PGM5: variants seen among roughly 807,000 people sequenced by gnomAD.
The protein encoded by PGM5 is phosphoglucomutase-like protein 5.
Under a neutral mutation model 59.2 loss-of-function variants are expected in PGM5, and 23 were observed. That is an observed-to-expected ratio of 0.39 (90% CI 0.28 to 0.55). The LOEUF is 0.55. Ranked by LOEUF, PGM5 falls within the 20% of genes least tolerant of loss-of-function variation. The probability of loss-of-function intolerance (pLI) is 0.66; values close to 1 mark genes in which losing one functional copy is unlikely to be tolerated. For missense variants in PGM5, 574 were observed against 748.3 expected (o/e 0.77, Z 2.72); for synonymous variants, 214 against 286.0 (o/e 0.75, Z 2.54).
intron 6 of PGM5, among the ~76,000 whole-genome samples, chr9:68,461,814 AT>A (rs1351080793): frequency 3.9e-5 from 6 of 152,072 alleles, no homozygotes; most frequent in Middle Eastern, 3.4e-3. Flanking sequence ...AACAGGCTTT[AT>A]GCTGGAAAAG....
chr9:68,460,662 A>G (rs146408148), intron 6 of PGM5, among the ~76,000 whole-genome samples: 263 of 152,356 alleles, frequency 1.7e-3, no homozygotes, highest in Admixed American at 2.8e-3. Flanking sequence ...GTCAAAGACC[A>G]TAAAATAGAT....
chr9:68,365,690 T>A (rs1388296590), intron 1 of PGM5, among the ~76,000 whole-genome samples: 1 of 152,204 alleles, frequency 6.6e-6, no homozygotes, highest in Non-Finnish European at 1.5e-5. Flanking sequence ...GTATTTTGTA[T>A]AAATATAATA....
intron 7 of PGM5, among the ~76,000 whole-genome samples, chr9:68,465,624 A>G (rs1375451642): frequency 9.2e-5 from 14 of 152,184 alleles, no homozygotes; most frequent in African/African-American, 3.4e-4. Context: ...GCATTTCAAG[A>G]TGAATCTTTA....
intron 6 of PGM5, among the ~76,000 whole-genome samples, chr9:68,412,183 A>G (rs1451323872): frequency 6.6e-6 from 1 of 151,762 alleles, no homozygotes; most frequent in Non-Finnish European, 1.5e-5. Flanking sequence ...ATAAATGTAA[A>G]GTAATTAGCA....
At chr9:68,525,096 G>T (rs571112927) in intron 10 of PGM5, among the ~76,000 whole-genome samples, 1 of 152,006 alleles carries the variant, frequency 6.6e-6, no homozygotes, top group African/African-American at 2.4e-5. Flanking sequence ...CCCACCATGA[G>T]GCATGGTCGA....
intron 9 of PGM5, among the ~76,000 whole-genome samples, chr9:68,486,409 G>C (rs559471723): frequency 4.2e-4 from 64 of 152,250 alleles, no homozygotes; most frequent in African/African-American, 1.3e-3. Context: ...AAGAAATGTT[G>C]TGCTCTTTAG....
At chr9:68,436,265 C>T (rs959614161) in intron 6 of PGM5, among the ~76,000 whole-genome samples, 1 of 152,122 alleles carries the variant, frequency 6.6e-6, no homozygotes, top group Non-Finnish European at 1.5e-5. Flanking sequence ...CAGGGAATTA[C>T]CAAGCCTATC....
chr9:68,390,644 G>A (rs1178563706), intron 4 of PGM5, among the ~76,000 whole-genome samples: 164 of 152,200 alleles, frequency 1.1e-3, no homozygotes, highest in African/African-American at 3.8e-3. Context: ...TCAGCTAGGA[G>A]GATTACATGC....
At chr9:68,386,485 C>A (rs2132003994) in intron 3 of PGM5, among the ~76,000 whole-genome samples, 1 of 152,294 alleles carries the variant, frequency 6.6e-6, no homozygotes, top group South Asian at 2.1e-4. Flanking sequence ...TATTATATGG[C>A]ATATTAAGAT....
Position 68,435,493 on chromosome 9 carries a change from C to A in PGM5, c.1044-29600C>A, listed in dbSNP as rs369213941. 3.4e-4 allele frequency among the ~76,000 whole-genome samples: 52 copies of A among 152,262 alleles called. 2 individuals carry two copies. In the South Asian group the frequency reaches 9.3e-3, roughly 27 times the overall value. ...TCTCTGTAGATTTCCCTTTTCCAGA[C>A]TTTCATATGAATAAAATCATATACT... On this transcript the variant is annotated intron_variant, in intron 6 of 10. Transcript: ENST00000396396.
At chr9:68,487,253 G>A (rs1479067828) in intron 9 of PGM5, among the ~76,000 whole-genome samples, 1 of 152,102 alleles carries the variant, frequency 6.6e-6, no homozygotes, top group Non-Finnish European at 1.5e-5. Context: ...ATCTTGAGGG[G>A]AGGAGCTAGT....
intron 6 of PGM5, among the ~76,000 whole-genome samples, chr9:68,455,653 C>T (rs1223449742): frequency 2.0e-5 from 3 of 152,164 alleles, no homozygotes; most frequent in South Asian, 2.1e-4. Context: ...GCATAGTTAT[C>T]GGGGAGGGTA....
chr9:68,496,109 A>G (rs1438621465), intron 9 of PGM5, among the ~76,000 whole-genome samples: 14 of 152,270 alleles, frequency 9.2e-5, no homozygotes, highest in Admixed American at 5.2e-4. Flanking sequence ...GCCAACCCCT[A>G]GTATAACCTA....
chr9:68,456,319 G>C lies in PGM5; in HGVS notation c.1044-8774G>C, dbSNP rs1443930706. On this transcript the variant is annotated intron_variant, in intron 6 of 10. Coordinates refer to ENST00000396396, the MANE Select transcript of PGM5 (RefSeq NM_021965.4). ...TTTTCTTTTTTTTTGGGGGTGGGGG[G>C]GTGGCAGGAGGGACAGAGTCTCGCT... Among the ~76,000 whole-genome samples, 5 of 150,718 alleles carry C rather than the reference G, an allele frequency of 3.3e-5. No individual in the cohort carries two copies. The East Asian group carries it at 9.7e-4, about 29-fold the overall frequency.
chr9:68,451,619 A>G (rs782783318), intron 6 of PGM5, among the ~76,000 whole-genome samples: 1 of 152,228 alleles, frequency 6.6e-6, no homozygotes, highest in African/African-American at 2.4e-5. Flanking sequence ...ACACAATTGG[A>G]AAAAATAAAA....
At chr9:68,493,953 G>GA (rs1396195754) in intron 9 of PGM5, among the ~76,000 whole-genome samples, 2 of 152,168 alleles carry the variant, frequency 1.3e-5, no homozygotes, top group African/African-American at 2.4e-5. Flanking sequence ...AAGGTGAGCA[G>GA]AACTCGACTG....
intron 10 of PGM5, among the ~76,000 whole-genome samples, chr9:68,516,605 G>A (rs1426827906): frequency 6.6e-6 from 1 of 152,182 alleles, no homozygotes; most frequent in Non-Finnish European, 1.5e-5. Flanking sequence ...GTAGTGGGGT[G>A]GGCCTCCACC....
At chr9:68,365,162 G>A (rs1330164228) in intron 1 of PGM5, among the ~76,000 whole-genome samples, 7 of 138,736 alleles carry the variant, frequency 5.0e-5, no homozygotes, top group Non-Finnish European at 7.8e-5. Flanking sequence ...TTAAGGCCCC[G>A]GATACCCTTC....
chr9:68,509,483 A>G (rs868988515), intron 10 of PGM5, among the ~76,000 whole-genome samples: 3 of 152,206 alleles, frequency 2.0e-5, no homozygotes, highest in African/African-American at 7.2e-5. Context: ...GTGGCTTGAA[A>G]TGTAGACTTC....
Sources: allele counts gnomAD v4.1 joint callset (sites outside exome capture counted in the v4.1 genomes callset), GRCh38; gene constraint gnomAD v4.1.1; transcripts MANE v1.5; gene names NCBI Gene and HGNC (gene_info 2026-07-23, HGNC 2026-07-21).